MOXD1: variants seen among roughly 807,000 people sequenced by gnomAD.
MOXD1 encodes the protein DBH-like monooxygenase protein 1.
Under a neutral mutation model 66.6 loss-of-function variants are expected in MOXD1, and 62 were observed. The ratio of observed to expected loss-of-function variants is 0.93; its 90% CI spans 0.76 to 1.15. The LOEUF is 1.15. MOXD1 is among the 50% of genes most tolerant of loss of function. MOXD1 has a pLI of 0.00. For missense variants in MOXD1, 847 were observed against 754.6 expected, an observed-to-expected ratio of 1.12 and a Z score of -1.44; for synonymous variants, 303 against 281.9, an observed-to-expected ratio of 1.07 and a Z score of -0.75.
intron 1 of MOXD1, chr6:132,390,550 G>GT (rs1210669326): frequency 1.3e-5 from 2 of 151,538 alleles, no homozygotes; most frequent in Non-Finnish European, 3.0e-5. Flanking sequence ...GATACCAATG[G>GT]TTTTATCTCA....
intron 4 of MOXD1, among the ~76,000 whole-genome samples, chr6:132,360,029 C>T (rs915034905): frequency 5.3e-5 from 8 of 152,222 alleles, no homozygotes; most frequent in African/African-American, 1.9e-4. Context: ...TAAAGTTTAG[C>T]CAGCAGCTGT....
rs1001363684 is a variant in MOXD1 at position 132,360,383 on chromosome 6, C to A, written c.663+12225G>T. On this transcript the variant is annotated intron_variant, in intron 4 of 11. Coordinates refer to ENST00000367963, the MANE Select transcript of MOXD1 (RefSeq NM_015529.4). ...AGGTTGTTTATGAGGACTGACAATC[C>A]CCAAATTGGACAGTTCTCTCAATAA... Among the ~76,000 whole-genome samples the A allele has an allele frequency of 4.6e-5, 7 of 152,072 alleles. No individual in the cohort carries two copies. In the South Asian group the frequency reaches 1.5e-3, roughly 32 times the overall value.
intron 1 of MOXD1, among the ~76,000 whole-genome samples, chr6:132,386,131 G>A (rs1198003117): frequency 1.5e-5 from 2 of 135,942 alleles, no homozygotes; most frequent in African/African-American, 2.8e-5. Flanking sequence ...GGCCAGGCGC[G>A]GTGGCTCACG....
chr6:132,386,293 T>C lies in MOXD1; in HGVS notation c.265-11516A>G, dbSNP rs963931253. ...GGCGGGCGCCTGTAGTCCCAGCTAC[T>C]TGGGAGGCTGAGGCAGGAGAATGGC... On this transcript the variant is annotated intron_variant, in intron 1 of 11. Transcript: ENST00000367963. 2.1e-4 allele frequency among the ~76,000 whole-genome samples: 31 copies of C among 145,514 alleles called. 3 individuals are homozygous for C. Among genetic ancestry groups the C allele is most frequent in the African/African-American group, 7.9e-4 (31 of 39,342 alleles).
At chr6:132,385,904 C>G (rs1776622231) in intron 1 of MOXD1, among the ~76,000 whole-genome samples, 1 of 151,206 alleles carries the variant, frequency 6.6e-6, no homozygotes, top group African/African-American at 2.4e-5. Flanking sequence ...GAGATCGAGA[C>G]CATCCTGGCT....
chr6:132,358,160 G>C (rs940795832), intron 4 of MOXD1, among the ~76,000 whole-genome samples: 16 of 152,196 alleles, frequency 1.1e-4, no homozygotes, highest in Admixed American at 9.2e-4. Flanking sequence ...GCCCGGATTT[G>C]AAATCAGGTC....
At chr6:132,306,527 C>T (rs1056501283) in intron 10 of MOXD1, among the ~76,000 whole-genome samples, 30 of 152,018 alleles carry the variant, frequency 2.0e-4, no homozygotes, top group African/African-American at 7.0e-4. Context: ...TTAAGATACT[C>T]CACGAGAAGA....
intron 4 of MOXD1, among the ~76,000 whole-genome samples, chr6:132,363,578 T>A (rs1296161593): frequency 6.6e-6 from 1 of 152,100 alleles, no homozygotes; most frequent in Non-Finnish European, 1.5e-5. Context: ...AAAGCCCCAT[T>A]AGTATTGCTC....
chr6:132,311,320 T>C (rs1774825254), intron 10 of MOXD1, among the ~76,000 whole-genome samples: 1 of 152,114 alleles, frequency 6.6e-6, no homozygotes, highest in African/African-American at 2.4e-5. Context: ...GGGTTATCAT[T>C]GAATTGATTT....
At chr6:132,303,721 A>ACACACACACACG (rs1774601277) in intron 10 of MOXD1, among the ~76,000 whole-genome samples, 1 of 143,952 alleles carries the variant, frequency 6.9e-6, no homozygotes, top group African/African-American at 2.7e-5. Context: ...ACACACACAC[A>ACACACACACACG]CACACACACA....
chr6:132,329,415 A>G (rs1382083116), intron 4 of MOXD1, among the ~76,000 whole-genome samples: 3 of 152,196 alleles, frequency 2.0e-5, no homozygotes, highest in Non-Finnish European at 4.4e-5. Flanking sequence ...TATTGTGAAC[A>G]GTGCCGGAAT....
intron 7 of MOXD1, 29 bp from the exon 8 acceptor site, chr6:132,322,899 T>A: frequency 6.4e-7 from 1 of 1,565,820 alleles, no homozygotes; most frequent in Non-Finnish European, 8.7e-7. Context: ...AAGACCCGAT[T>A]AGCCCACATT....
chr6:132,395,152 G>A (rs1188344655), intron 1 of MOXD1, among the ~76,000 whole-genome samples: 1 of 151,984 alleles, frequency 6.6e-6, no homozygotes, highest in African/African-American at 2.4e-5. Context: ...ATATATTCAA[G>A]ATGCTGAAAG....
chr6:132,324,940 A>G (rs1028654542), intron 6 of MOXD1: 3 of 129,814 alleles, frequency 2.3e-5, no homozygotes, highest in African/African-American at 8.6e-5. Flanking sequence ...CATGTTATAT[A>G]CCCTTCACTC....
intron 4 of MOXD1, among the ~76,000 whole-genome samples, chr6:132,365,533 T>C (rs767378980): frequency 6.6e-6 from 1 of 152,180 alleles, no homozygotes; most frequent in African/African-American, 2.4e-5. Flanking sequence ...AATCCCTTTA[T>C]CTTACAGACA....
At chr6:132,375,756 G>C (rs1370093934) in intron 1 of MOXD1, among the ~76,000 whole-genome samples, 1 of 152,212 alleles carries the variant, frequency 6.6e-6, no homozygotes, top group Non-Finnish European at 1.5e-5. Flanking sequence ...GACCAGTGCA[G>C]TGGAGAGAAC....
intron 9 of MOXD1, among the ~76,000 whole-genome samples, chr6:132,320,028 C>T (rs985676368): frequency 3.9e-5 from 6 of 152,076 alleles, no homozygotes; most frequent in African/African-American, 1.2e-4. Flanking sequence ...AAACTCTTGT[C>T]CAAGTTATTT....
intron 4 of MOXD1, among the ~76,000 whole-genome samples, chr6:132,359,299 C>T (rs1003840616): frequency 2.0e-5 from 3 of 152,004 alleles, no homozygotes; most frequent in Admixed American, 6.5e-5. Context: ...CAAGAACTCC[C>T]TCCATTACCC....
chr6:132,372,900 C>G lies in MOXD1; in HGVS notation c.509G>C (p.Arg170Pro), dbSNP rs377603332. ...HDSNRGTKSL[R>P]LLNPEKTSVL... is the part of the protein sequence containing the mutation. ...ACTAGTTTTCTCAGGATTCAATAACCGCAAACTCTTGGTGCCCCTATTGGA... is the reference window on the plus strand; with the variant it reads ...ACTAGTTTTCTCAGGATTCAATAACGGCAAACTCTTGGTGCCCCTATTGGA... The change falls in exon 3 of 12, where the codon CGG (arginine) becomes CCG (proline). Residue 170 changes from arginine to proline, a missense_variant. By Grantham distance (103) the Arg-to-Pro change is moderately radical. Transcript: ENST00000367963. 1.9e-6 allele frequency: 3 copies of G among 1,613,836 alleles called. No individual in the cohort carries two copies. The highest frequency in any genetic ancestry group is 2.5e-6 in the Non-Finnish European group (3 of 1,179,930).
Sources: gnomAD v4.1 joint callset for allele counts (sites outside exome capture counted in the v4.1 genomes callset) on GRCh38, gnomAD v4.1.1 for gene constraint, MANE v1.5 for transcripts, NCBI Gene and HGNC (gene_info 2026-07-23, HGNC 2026-07-21) for gene names.